Variants in STPG2 observed in about 807,000 individuals in gnomAD.
STPG2 encodes the protein sperm tail PG-rich repeat containing 2, also known as sperm-tail PG-rich repeat-containing protein 2.
STPG2 carries 56 observed loss-of-function variants against 54.2 expected under a neutral mutation model. That is an observed-to-expected ratio of 1.03 (90% CI 0.83 to 1.29). STPG2 has a LOEUF of 1.29. Among genes scored for constraint, STPG2 ranks in the 50% most tolerant of loss-of-function variants. The pLI is 0.00. For missense variants in STPG2, 596 were observed against 544.9 expected, an observed-to-expected ratio of 1.09 and a Z score of -0.93; for synonymous variants, 200 against 181.8, an observed-to-expected ratio of 1.10 and a Z score of -0.81.
intron 9 of STPG2, among the ~76,000 whole-genome samples, chr4:97,715,117 TA>T (rs1346470003): frequency 1.3e-5 from 2 of 152,188 alleles, no homozygotes; most frequent in Admixed American, 1.3e-4. Context: ...AGCTACAGAA[TA>T]TTTTTTAAAT....
intron 9 of STPG2, among the ~76,000 whole-genome samples, chr4:97,815,581 T>C (rs1360371320): frequency 1.3e-5 from 2 of 152,200 alleles, no homozygotes; most frequent in African/African-American, 4.8e-5. Flanking sequence ...AATGACTTTA[T>C]ATTATGGTAT....
intron 5 of STPG2, among the ~76,000 whole-genome samples, chr4:98,043,579 T>C (rs1404584788): frequency 6.6e-6 from 1 of 152,112 alleles, no homozygotes; most frequent in African/African-American, 2.4e-5. Context: ...TGCATCCAAG[T>C]ACTCTTCAAT....
chr4:97,613,475 C>CGTGTGTGTGT (rs70953075), intron 10 of STPG2, among the ~76,000 whole-genome samples: 2 of 142,246 alleles, frequency 1.4e-5, no homozygotes, highest in African/African-American at 2.5e-5. Flanking sequence ...AGTCATCACC[C>CGTGTGTGTGT]GTGTGTGTGT....
chr4:97,844,340 G>A (rs1361370933), intron 8 of STPG2, among the ~76,000 whole-genome samples: 1 of 151,852 alleles, frequency 6.6e-6, no homozygotes, highest in Non-Finnish European at 1.5e-5. Flanking sequence ...AATAAAGATT[G>A]ACCTCAAGTT....
At chr4:97,807,669 A>AT (rs1392376734) in intron 9 of STPG2, among the ~76,000 whole-genome samples, 4 of 152,016 alleles carry the variant, frequency 2.6e-5, no homozygotes, top group Non-Finnish European at 5.9e-5. Context: ...AGGAAAAAAA[A>AT]GGAAGTATTT....
intron 8 of STPG2, among the ~76,000 whole-genome samples, chr4:97,927,614 CA>C (rs1293040038): frequency 1.3e-5 from 2 of 151,804 alleles, no homozygotes; most frequent in East Asian, 1.9e-4. Context: ...TAAAAAATCA[CA>C]AAAAAAGTTT....
chr4:97,601,183 T>C (rs1051899830), intron 10 of STPG2, among the ~76,000 whole-genome samples: 5 of 152,046 alleles, frequency 3.3e-5, no homozygotes, highest in African/African-American at 1.2e-4. Flanking sequence ...TGCTTGCTTT[T>C]CCATTAAGTG....
intron 5 of STPG2, among the ~76,000 whole-genome samples, chr4:98,023,567 C>T (rs540294286): frequency 3.7e-4 from 56 of 152,270 alleles, no homozygotes; most frequent in African/African-American, 6.5e-4. Flanking sequence ...AGCTGTCAGA[C>T]GGGGACATTT....
chr4:98,113,620 C>T (rs1179138593), intron 3 of STPG2, among the ~76,000 whole-genome samples: 1 of 151,882 alleles, frequency 6.6e-6, no homozygotes, highest in Non-Finnish European at 1.5e-5. Context: ...AGCTTTAACA[C>T]TGAGTGATGA....
At chr4:97,995,900 A>C (rs536520108) in intron 5 of STPG2, among the ~76,000 whole-genome samples, 8 of 152,262 alleles carry the variant, frequency 5.3e-5, no homozygotes, top group Admixed American at 5.2e-4. Context: ...CTTTCTCTAC[A>C]ATGAGAACTA....
At chr4:98,026,216 C>A in intron 5 of STPG2, 1 of 1,120,940 alleles carries the variant, frequency 8.9e-7, no homozygotes, top group Non-Finnish European at 1.3e-6. Flanking sequence ...TCGGGTAGCT[C>A]AAAAGAAAGC....
intron 8 of STPG2, among the ~76,000 whole-genome samples, chr4:97,918,756 G>A (rs1731984005): frequency 6.6e-6 from 1 of 152,044 alleles, no homozygotes; most frequent in Admixed American, 6.6e-5. Flanking sequence ...ATAAGTAGGA[G>A]TTAAGCTATG....
chr4:97,898,370 AT>A (rs1240777528), intron 8 of STPG2, among the ~76,000 whole-genome samples: 1 of 128,732 alleles, frequency 7.8e-6, no homozygotes, highest in Non-Finnish European at 1.8e-5. Flanking sequence ...AAGTTGTCCA[AT>A]TACAGAATTG....
chr4:97,442,758 A>C (rs1729121863), intron 4 of STPG2, among the ~76,000 whole-genome samples: 1 of 152,192 alleles, frequency 6.6e-6, no homozygotes, highest in African/African-American at 2.4e-5. Flanking sequence ...TGAAACATAC[A>C]ACCATAACAT....
At chr4:97,481,101 AT>A (rs369703132) in intron 4 of STPG2, among the ~76,000 whole-genome samples, 3 of 151,528 alleles carry the variant, frequency 2.0e-5, no homozygotes, top group East Asian at 3.9e-4. Context: ...GAAAAAACAC[AT>A]TTTTTGGCAT....
intron 3 of STPG2, among the ~76,000 whole-genome samples, chr4:98,120,064 A>C (rs1328938054): frequency 6.6e-6 from 1 of 151,804 alleles, no homozygotes; most frequent in African/African-American, 2.4e-5. Context: ...GAACATATTC[A>C]TGCATTTTTT....
At chr4:97,836,873 A>G (rs1728651640) in intron 9 of STPG2, among the ~76,000 whole-genome samples, 1 of 149,298 alleles carries the variant, frequency 6.7e-6, no homozygotes, top group African/African-American at 2.4e-5. Context: ...TAATAACAAT[A>G]AATTAATATT....
chr4:98,073,588 G>A (rs898353950), intron 5 of STPG2, among the ~76,000 whole-genome samples: 14 of 152,008 alleles, frequency 9.2e-5, no homozygotes, highest in Non-Finnish European at 1.8e-4. Flanking sequence ...TTAGTTGGGC[G>A]TGGTGGCAGG....
intron 9 of STPG2, among the ~76,000 whole-genome samples, chr4:97,790,203 C>G (rs1213434610): frequency 6.6e-6 from 1 of 152,114 alleles, no homozygotes; most frequent in Non-Finnish European, 1.5e-5. Context: ...GCAAAGTGCT[C>G]AGTGCATTAT....
Sources: gnomAD v4.1 joint callset for allele counts (sites outside exome capture counted in the v4.1 genomes callset) on GRCh38, gnomAD v4.1.1 for gene constraint, MANE v1.5 for transcripts, NCBI Gene and HGNC (gene_info 2026-07-23, HGNC 2026-07-21) for gene names.